Variants in MARCHF1 observed in about 807,000 individuals in gnomAD.
The protein encoded by MARCHF1 is E3 ubiquitin-protein ligase MARCHF1.
In MARCHF1, 40 loss-of-function variants were observed where a neutral mutation model predicts 54.2. The observed-to-expected ratio is 0.74, with a 90% CI of 0.57 to 0.96. MARCHF1 has a LOEUF of 0.96. Ranked by LOEUF, MARCHF1 falls within the 40% of genes least tolerant of loss-of-function variation. The pLI is 0.00. For synonymous variants in MARCHF1, 236 were observed against 236.3 expected (o/e 1.00, Z 0.01); for missense variants, 586 against 656.5 (o/e 0.89, Z 1.17).
chr4:164,210,107 T>A (rs1242621161), intron 1 of MARCHF1, among the ~76,000 whole-genome samples: 1 of 152,158 alleles, frequency 6.6e-6, no homozygotes, highest in Non-Finnish European at 1.5e-5. Flanking sequence ...TAAAAAAGCA[T>A]TTAAACACAA....
intron 4 of MARCHF1, among the ~76,000 whole-genome samples, chr4:163,702,790 C>T (rs905328278): frequency 6.6e-6 from 1 of 152,144 alleles, no homozygotes; most frequent in African/African-American, 2.4e-5. Flanking sequence ...TTTATTTTCT[C>T]CCAATATAAG....
At chr4:163,840,308 G>A (rs1749301957) in intron 4 of MARCHF1, among the ~76,000 whole-genome samples, 1 of 152,118 alleles carries the variant, frequency 6.6e-6, no homozygotes, top group South Asian at 2.1e-4. Context: ...CTACCACTCT[G>A]AAAGGAAAGC....
chr4:164,175,095 C>CATT (rs1163819066), intron 1 of MARCHF1, among the ~76,000 whole-genome samples: 16 of 152,272 alleles, frequency 1.1e-4, no homozygotes, highest in African/African-American at 3.8e-4. Context: ...CCTACACAAA[C>CATT]CTCAACCTAT....
chr4:164,287,171 A>C (rs2111354904), intron 1 of MARCHF1, among the ~76,000 whole-genome samples: 1 of 149,986 alleles, frequency 6.7e-6, no homozygotes, highest in East Asian at 1.9e-4. Flanking sequence ...ATATATAATA[A>C]ATGAAGTCTG....
chr4:164,116,835 G>A (rs1316465132), intron 1 of MARCHF1, among the ~76,000 whole-genome samples: 1 of 152,014 alleles, frequency 6.6e-6, no homozygotes, highest in Non-Finnish European at 1.5e-5. Flanking sequence ...TCTTAACATT[G>A]ATGCTAACTT....
intron 8 of MARCHF1, among the ~76,000 whole-genome samples, chr4:163,559,627 T>C (rs1739403092): frequency 6.6e-6 from 1 of 152,210 alleles, no homozygotes; most frequent in East Asian, 1.9e-4. Flanking sequence ...CTCTCAAAGA[T>C]GGTCCTTTAT....
chr4:163,905,769 G>A (rs923033900), intron 3 of MARCHF1, among the ~76,000 whole-genome samples: 6 of 151,990 alleles, frequency 3.9e-5, no homozygotes, highest in Non-Finnish European at 7.4e-5. Flanking sequence ...CCTTCAGGTA[G>A]GAAAGTACCC....
At chr4:164,007,947 C>A (rs114233177) in intron 2 of MARCHF1, among the ~76,000 whole-genome samples, 1 of 151,908 alleles carries the variant, frequency 6.6e-6, no homozygotes, top group African/African-American at 2.4e-5. Flanking sequence ...GGTAACAAAA[C>A]GGCAGGAGTA....
At chr4:164,146,554 G>A (rs1033697867) in intron 1 of MARCHF1, among the ~76,000 whole-genome samples, 2 of 152,046 alleles carry the variant, frequency 1.3e-5, no homozygotes, top group Non-Finnish European at 2.9e-5. Context: ...ACAAACCTGA[G>A]AAAAACAAGC....
chr4:163,927,455 GA>G (rs1751561549), intron 3 of MARCHF1, among the ~76,000 whole-genome samples: 1 of 151,782 alleles, frequency 6.6e-6, no homozygotes, highest in African/African-American at 2.4e-5. Flanking sequence ...AAAAAAGGGG[GA>G]AAGGGCTGTT....
chr4:164,290,115 G>A (rs2111363648), intron 1 of MARCHF1, among the ~76,000 whole-genome samples: 1 of 151,894 alleles, frequency 6.6e-6, no homozygotes, highest in African/African-American at 2.4e-5. Flanking sequence ...TCAACATTGA[G>A]TTGTAGTTAT....
At chr4:163,883,629 C>T (rs1750468087) in intron 3 of MARCHF1, among the ~76,000 whole-genome samples, 1 of 152,100 alleles carries the variant, frequency 6.6e-6, no homozygotes, top group African/African-American at 2.4e-5. Flanking sequence ...AGATAAAATA[C>T]AAGATGCCTA....
chr4:164,036,629 A>C (rs1441166134), intron 2 of MARCHF1, among the ~76,000 whole-genome samples: 3 of 152,232 alleles, frequency 2.0e-5, no homozygotes, highest in Non-Finnish European at 4.4e-5. Context: ...TTATTTAATC[A>C]TTCTCAACAA....
intron 1 of MARCHF1, among the ~76,000 whole-genome samples, chr4:164,136,156 A>G (rs1312916205): frequency 2.0e-5 from 3 of 151,826 alleles, no homozygotes; most frequent in African/African-American, 7.3e-5. Flanking sequence ...TGATGGCAGA[A>G]TAGTTTCTAC....
intron 4 of MARCHF1, among the ~76,000 whole-genome samples, chr4:163,768,008 A>C (rs1002506992): frequency 1.3e-5 from 2 of 152,152 alleles, no homozygotes; most frequent in African/African-American, 4.8e-5. Context: ...AGAGATGGCC[A>C]AGTTTATTTA....
At chr4:163,861,160 A>G (rs1441578975) in intron 3 of MARCHF1, among the ~76,000 whole-genome samples, 1 of 152,208 alleles carries the variant, frequency 6.6e-6, no homozygotes, top group East Asian at 1.9e-4. Flanking sequence ...ACATTGTAAC[A>G]AAAATGAAGA....
chr4:163,580,471 A>G (rs1740192891), intron 8 of MARCHF1, among the ~76,000 whole-genome samples: 2 of 152,184 alleles, frequency 1.3e-5, no homozygotes, highest in Admixed American at 6.5e-5. Context: ...AATAAGGACT[A>G]TTGGAGAAAC....
At chr4:164,140,946 T>G (rs1197615854) in intron 1 of MARCHF1, among the ~76,000 whole-genome samples, 1 of 152,190 alleles carries the variant, frequency 6.6e-6, no homozygotes, top group African/African-American at 2.4e-5. Context: ...TAACAATCCA[T>G]GAGGGTTAGC....
intron 1 of MARCHF1, among the ~76,000 whole-genome samples, chr4:164,182,099 T>C (rs1040173220): frequency 1.3e-5 from 2 of 152,088 alleles, no homozygotes; most frequent in Non-Finnish European, 2.9e-5. Flanking sequence ...AGATAAACAT[T>C]ACATTGACAA....
Sources: allele counts gnomAD v4.1 joint callset (sites outside exome capture counted in the v4.1 genomes callset), GRCh38; gene constraint gnomAD v4.1.1; transcripts MANE v1.5; gene names NCBI Gene and HGNC (gene_info 2026-07-23, HGNC 2026-07-21).